Variants in AK8 observed in about 807,000 individuals in gnomAD.
AK8 encodes the protein ATP-AMP transphosphorylase 8.
In AK8, 44 loss-of-function variants were observed where a neutral mutation model predicts 54.6. The ratio of observed to expected loss-of-function variants is 0.81; its 90% CI spans 0.63 to 1.04. The LOEUF (loss-of-function observed/expected upper bound fraction) is 1.04, where lower values mean the gene tolerates loss of function less well. AK8 is among the 50% of genes least tolerant of loss of function. The pLI, the probability that AK8 is intolerant of heterozygous loss-of-function variation, is 0.00. For synonymous variants in AK8, 239 were observed against 245.6 expected, an observed-to-expected ratio of 0.97 and a Z score of 0.25; for missense variants, 555 against 613.6, an observed-to-expected ratio of 0.90 and a Z score of 1.01.
At chr9:132,795,659 A>G (rs547941866) in intron 10 of AK8, among the ~76,000 whole-genome samples, 2 of 152,252 alleles carry the variant, frequency 1.3e-5, no homozygotes, top group South Asian at 4.2e-4. Context: ...ACTGTGCTGG[A>G]CATGGGATAC....
intron 11 of AK8, among the ~76,000 whole-genome samples, chr9:132,787,394 A>G (rs945947911): frequency 2.0e-5 from 3 of 152,170 alleles, no homozygotes; most frequent in Non-Finnish European, 4.4e-5. Flanking sequence ...GAAAGAAAAA[A>G]GTCACGTATG....
At position 132,826,949 on chromosome 9, in the gene AK8, T is replaced by G. The variant is rs766726566; in HGVS notation, c.662A>C (p.Glu221Ala). Residue 221 changes from glutamate (E) to alanine (A), a missense_variant, in exon 8 of 13, where the codon GAG (glutamate) becomes GCG (alanine). Physicochemically the swap from Glu to Ala is moderately radical, Grantham distance 107. Transcript: ENST00000298545. The surrounding 1 kb of genome is among the most constrained non-coding windows in gnomAD (Gnocchi z 4.5). The stretch of plus-strand genomic sequence containing the variant: ...GACCCTGACGATGTTCCTATGATAC[T>G]CCAGCAGTTTCTGAGCCGTCTCCAG... Reference protein sequence around the residue: ...SELETAQKLLEYHRNIVRVIP... With the variant: ...SELETAQKLLAYHRNIVRVIP... 1.2e-6 allele frequency: 2 copies of G among 1,614,252 alleles called. No individual in the cohort carries two copies. Among genetic ancestry groups the G allele is most frequent in the Non-Finnish European group, 8.5e-7 (1 of 1,180,034 alleles).
At chr9:132,848,088 C>A (rs1224239278) in intron 5 of AK8, among the ~76,000 whole-genome samples, 1 of 130,244 alleles carries the variant, frequency 7.7e-6, no homozygotes. Flanking sequence ...TGCACTCCGG[C>A]CTGGGCAACA....
chr9:132,773,105 G>A (rs549662532), intron 11 of AK8, among the ~76,000 whole-genome samples: 13 of 152,338 alleles, frequency 8.5e-5, no homozygotes, highest in Admixed American at 7.8e-4. Flanking sequence ...ATGGTCTCCT[G>A]TGACCTCTGA....
chr9:132,819,159 T>C (rs533686053), intron 9 of AK8, among the ~76,000 whole-genome samples: 17 of 152,262 alleles, frequency 1.1e-4, no homozygotes, highest in Admixed American at 2.6e-4. Context: ...CAACCACAGA[T>C]TGAAAATATC....
At chr9:132,867,912 A>G (rs565330385) in intron 2 of AK8, among the ~76,000 whole-genome samples, 173 of 152,352 alleles carry the variant, frequency 1.1e-3, no homozygotes, top group African/African-American at 3.9e-3. Context: ...AAAAGAGCTG[A>G]CCAGCATGGT....
intron 2 of AK8, among the ~76,000 whole-genome samples, chr9:132,872,329 C>T (rs1284179132): frequency 1.4e-5 from 2 of 141,564 alleles, no homozygotes; most frequent in Non-Finnish European, 3.0e-5. Context: ...GAGACCCTGT[C>T]TCTAAAAAGA....
chr9:132,846,445 C>T (rs967343690), intron 5 of AK8, among the ~76,000 whole-genome samples: 2 of 152,198 alleles, frequency 1.3e-5, no homozygotes, highest in African/African-American at 2.4e-5. Context: ...ACGTTTAACT[C>T]TCTTGTTCAC....
intron 11 of AK8, among the ~76,000 whole-genome samples, chr9:132,779,953 G>A (rs1015768330): frequency 3.9e-5 from 6 of 152,216 alleles, no homozygotes; most frequent in African/African-American, 1.4e-4. Context: ...TTACTGGGCT[G>A]TTGAATGGAT....
intron 11 of AK8, among the ~76,000 whole-genome samples, chr9:132,779,243 A>G (rs920146027): frequency 1.3e-5 from 2 of 152,244 alleles, no homozygotes; most frequent in African/African-American, 4.8e-5. Flanking sequence ...GTGTCATAGT[A>G]AATGTGTTTA....
rs144346519 is a variant in AK8 at position 132,799,334 on chromosome 9, G to A, written c.980-6559C>T. ...GAAGGAAATAGCTCCTTCAGCCAGT[G>A]GCTTAAAGATAAAAAACATGCTAAG... On this transcript the variant is annotated intron_variant, in intron 10 of 12. Coordinates refer to ENST00000298545, the MANE Select transcript of AK8 (RefSeq NM_152572.3). This position sits in a 1 kb window ranked among gnomAD's most constrained non-coding sequence, Gnocchi z 5.0. Among the ~76,000 whole-genome samples, 1,020 of 152,260 alleles carry A rather than the reference G, an allele frequency of 6.7e-3. 5 individuals carry two copies. The highest frequency in any genetic ancestry group is 0.019 in the African/African-American group (791 of 41,528).
chr9:132,757,394 C>T (rs529676977), intron 11 of AK8, among the ~76,000 whole-genome samples: 62 of 152,216 alleles, frequency 4.1e-4, no homozygotes, highest in Non-Finnish European at 6.8e-4. Context: ...GAAAAAGAGG[C>T]CATTTTTTTC....
chr9:132,835,425 C>T (rs1270037503), intron 5 of AK8, among the ~76,000 whole-genome samples: 2 of 152,176 alleles, frequency 1.3e-5, no homozygotes, highest in South Asian at 2.1e-4. Context: ...GTAACAGACA[C>T]GGATAACCCA....
rs969331879 is a variant in AK8 at position 132,787,352 on chromosome 9, G to T, written c.1121+5282C>A. Among the ~76,000 whole-genome samples, 10 of 152,198 alleles carry T rather than the reference G, an allele frequency of 6.6e-5. No individual in the cohort carries two copies. The East Asian group carries it at 1.7e-3, about 26-fold the overall frequency. On this transcript the variant is annotated intron_variant, in intron 11 of 12. Transcript: ENST00000298545. Reference sequence around the variant, plus strand: ...TTCACTGTGAAATTTCAGAACCCTGGAGACAAAAGGAAGAGCCTACAAACT... The same window carrying T: ...TTCACTGTGAAATTTCAGAACCCTGTAGACAAAAGGAAGAGCCTACAAACT...
intron 2 of AK8, among the ~76,000 whole-genome samples, chr9:132,871,695 C>G (rs1843842991): frequency 6.6e-6 from 1 of 152,134 alleles, no homozygotes; most frequent in Non-Finnish European, 1.5e-5. Flanking sequence ...AGGTGCAGTG[C>G]AGAGAAAGGA....
intron 11 of AK8, among the ~76,000 whole-genome samples, chr9:132,737,474 C>T (rs2130961188): frequency 6.6e-6 from 1 of 152,230 alleles, no homozygotes; most frequent in Middle Eastern, 3.4e-3. Context: ...ATGCAAAAAT[C>T]CTCAGCAGAA....
intron 8 of AK8, among the ~76,000 whole-genome samples, chr9:132,823,919 C>T (rs568648893): frequency 2.6e-5 from 4 of 152,334 alleles, no homozygotes; most frequent in Admixed American, 1.3e-4. Flanking sequence ...GTGACACCAA[C>T]TTTGTTGCGA....
intron 5 of AK8, among the ~76,000 whole-genome samples, chr9:132,839,819 C>CT (rs1221191546): frequency 1.6e-4 from 11 of 70,062 alleles, no homozygotes; most frequent in African/African-American, 3.6e-4. Context: ...ATTTTTTTTG[C>CT]CGGGGGGGGG....
intron 11 of AK8, among the ~76,000 whole-genome samples, chr9:132,743,773 T>A (rs1837505181): frequency 6.6e-6 from 1 of 152,182 alleles, no homozygotes; most frequent in Admixed American, 6.5e-5. Flanking sequence ...TATTTAATCC[T>A]CGTGAGAAGT....
Sources: allele counts gnomAD v4.1 joint callset (sites outside exome capture counted in the v4.1 genomes callset), GRCh38; gene constraint gnomAD v4.1.1; non-coding constraint Gnocchi (gnomAD v3.1); transcripts MANE v1.5; gene names NCBI Gene and HGNC (gene_info 2026-07-23, HGNC 2026-07-21).